The following OGFOD1 variants were observed in gnomAD, a reference collection of about 807,000 sequenced individuals.
OGFOD1 encodes the protein 2-oxoglutarate and iron dependent oxygenase domain containing 1.
Under a neutral mutation model 67.7 loss-of-function variants are expected in OGFOD1, and 54 were observed. The observed-to-expected ratio is 0.80, with a 90% CI of 0.64 to 1.00. OGFOD1 has a LOEUF of 1.00. OGFOD1 is among the 50% of genes least tolerant of loss of function. The pLI is 0.00. For synonymous variants in OGFOD1, 221 were observed against 227.0 expected (o/e 0.97, Z 0.24); for missense variants, 606 against 646.7 (o/e 0.94, Z 0.68).
At position 56,453,273 on chromosome 16, in the gene OGFOD1, C is replaced by T; in HGVS notation, c.165C>T (p.Val55=). Residue 55 remains valine, a synonymous_variant, in exon 2 of 13, where the codon GTC becomes GTT. Coordinates refer to ENST00000566157, the MANE Select transcript of OGFOD1 (RefSeq NM_018233.4). ...TTTTTCTTCCAACAGAAGTCATTGT[C>T]ATGGACATGGACCCTTTTCTTCACT... ...RRTPFSHEVI[V]MDMDPFLHCV... 6.2e-7 allele frequency: 1 copy of T among 1,607,634 alleles called. No homozygotes were observed. The highest frequency in any genetic ancestry group is 1.1e-5 in the South Asian group (1 of 89,398).
At chr16:56,462,507 C>G (rs369183850) in intron 3 of OGFOD1, 27 bp from the exon 4 acceptor site, 37 of 1,460,412 alleles carry the variant, frequency 2.5e-5, no homozygotes, top group Non-Finnish European at 3.6e-5. Flanking sequence ...TGTGGCATAA[C>G]AAGTTATCTT....
chr16:56,467,430 CTTTTT>C, intron 7 of OGFOD1, 137 bp downstream of exon 7: 3 of 754,762 alleles, frequency 4.0e-6, no homozygotes, highest in Non-Finnish European at 6.0e-6. Flanking sequence ...TTTTTTCTTC[CTTTTT>C]TTTTTTTTTG....
chr16:56,465,148 C>T (rs1399573795), intron 4 of OGFOD1, among the ~76,000 whole-genome samples: 2 of 151,854 alleles, frequency 1.3e-5, no homozygotes, highest in African/African-American at 4.8e-5. Context: ...TACAGGCGTG[C>T]ACCACCATGC....
intron 2 of OGFOD1, among the ~76,000 whole-genome samples, chr16:56,456,172 C>T (rs1392057487): frequency 6.6e-6 from 1 of 152,218 alleles, no homozygotes; most frequent in Non-Finnish European, 1.5e-5. Context: ...CTATATCACT[C>T]CTTCCTCCTG....
chr16:56,466,816 A>C, intron 5 of OGFOD1, 60 bp from the exon 6 acceptor site: 1 of 1,303,750 alleles, frequency 7.7e-7, no homozygotes, highest in Non-Finnish European at 1.1e-6. Flanking sequence ...GTCAAGAGTA[A>C]AATGAGGCAG....
chr16:56,476,705 C>T lies in OGFOD1; in HGVS notation c.*500C>T, dbSNP rs1963494666. On this transcript the variant is annotated 3_prime_UTR_variant, in exon 13 of 13. Coordinates refer to ENST00000566157, the MANE Select transcript of OGFOD1 (RefSeq NM_018233.4). ...CAGCCATACCTTTTGTCTCTATCAT[C>T]AACTTCACTACTCATATTTCTCATG... The T allele has an allele frequency of 6.5e-6, 1 of 152,934 alleles. No individual in the cohort carries two copies. Among genetic ancestry groups the T allele is most frequent in the African/African-American group, 2.4e-5 (1 of 41,452 alleles). 9.5% of individuals were successfully genotyped at this position (152,934 alleles called of 1,614,324 possible).
chr16:56,465,747 A>G (rs1962871836), intron 4 of OGFOD1: 1 of 165,728 alleles, frequency 6.0e-6, no homozygotes. Flanking sequence ...ATATAGTAGA[A>G]TAACTACAGC....
At chr16:56,461,246 A>G (rs1962701095) in intron 3 of OGFOD1, among the ~76,000 whole-genome samples, 1 of 152,164 alleles carries the variant, frequency 6.6e-6, no homozygotes. Flanking sequence ...GTTAATCACT[A>G]ATAGCCAATC....
intron 3 of OGFOD1, among the ~76,000 whole-genome samples, chr16:56,460,021 C>A (rs186837976): frequency 7.9e-4 from 120 of 152,128 alleles, no homozygotes; most frequent in Admixed American, 2.9e-3. Flanking sequence ...GCAGTACTTC[C>A]ATGTATTATA....
intron 7 of OGFOD1, among the ~76,000 whole-genome samples, 183 bp from the exon 8 acceptor site, chr16:56,467,722 C>T (rs904853757): frequency 1.6e-4 from 25 of 151,958 alleles, no homozygotes; most frequent in African/African-American, 5.1e-4. Flanking sequence ...CCACTGCACC[C>T]GGCCTACACT....
At position 56,470,696 on chromosome 16, in the gene OGFOD1, C is replaced by G. The variant is rs1051776543; in HGVS notation, c.1190C>G (p.Pro397Arg). The G allele has an allele frequency of 2.5e-6, 4 of 1,614,004 alleles. No homozygotes were observed. In the African/African-American group the frequency reaches 5.3e-5, roughly 22 times the overall value. ...ITEEGTSHSP[P>R]EPENNQMAIS... ...GAAGAAGGGACTAGCCATAGTCCTC[C>G]TGAGCCAGAGAATAATCAGATGGCC... The change falls in exon 10 of 13, where the codon CCT (proline) becomes CGT (arginine). Residue 397 changes from proline to arginine, a missense_variant. Transcript: ENST00000566157.
chr16:56,472,870 T>C (rs907732805), intron 10 of OGFOD1, among the ~76,000 whole-genome samples: 9 of 152,200 alleles, frequency 5.9e-5, no homozygotes, highest in African/African-American at 1.9e-4. Context: ...TAGAACAGGT[T>C]TGCACACCCT....
intron 2 of OGFOD1, chr16:56,458,038 A>T (rs140266856): frequency 6.3e-6 from 1 of 159,392 alleles, no homozygotes; most frequent in African/African-American, 2.4e-5. Context: ...TGCTCTTGCA[A>T]TAGCTGGAAT....
chr16:56,472,071 T>C (rs112617680), intron 10 of OGFOD1, among the ~76,000 whole-genome samples: 11,775 of 152,150 alleles, frequency 0.077, 679 homozygotes, highest in East Asian at 0.16. Context: ...GAGCGATCCT[T>C]CTGCCTCAGT....
rs55711786 is a variant in OGFOD1 at position 56,472,925 on chromosome 16, TTTTGG to T, written c.1286-1882_1286-1878del. 4.6e-5 allele frequency among the ~76,000 whole-genome samples: 7 copies of T among 151,570 alleles called. No individual in the cohort carries two copies. The South Asian group carries it at 1.0e-3, about 23-fold the overall frequency. On this transcript the variant is annotated intron_variant, in intron 10 of 12. Coordinates refer to ENST00000566157, the MANE Select transcript of OGFOD1 (RefSeq NM_018233.4). ...CACCAAAGCAGTTTTGCTTTTTTTG[TTTTGG>T]TTTGGTTTGGTTTGGTTTGGAGACA...
intron 2 of OGFOD1, among the ~76,000 whole-genome samples, chr16:56,453,854 A>G (rs1301182354): frequency 1.1e-4 from 17 of 152,190 alleles, no homozygotes. Flanking sequence ...AGTTTTCCCC[A>G]TCACAGTTAA....
At chr16:56,460,350 A>T (rs1962674112) in intron 3 of OGFOD1, among the ~76,000 whole-genome samples, 1 of 152,254 alleles carries the variant, frequency 6.6e-6, no homozygotes, top group Non-Finnish European at 1.5e-5. Flanking sequence ...ACAATGACAA[A>T]ATAAGCCTGT....
intron 2 of OGFOD1, chr16:56,454,859 T>C (rs2143967866): frequency 2.6e-6 from 1 of 390,262 alleles, no homozygotes; most frequent in Non-Finnish European, 5.0e-6. Context: ...TTAACCAGGA[T>C]AAATACATGA....
At position 56,476,098 on chromosome 16, in the gene OGFOD1, G is replaced by A; in HGVS notation, c.1522G>A (p.Glu508Lys). 6.2e-7 allele frequency: 1 copy of A among 1,613,854 alleles called. No individual in the cohort carries two copies. Among genetic ancestry groups the A allele is most frequent in the Non-Finnish European group, 8.5e-7 (1 of 1,179,768 alleles). ...NSLALVYRDRETLKFVKHINH... is the reference protein window; with the variant it reads ...NSLALVYRDRKTLKFVKHINH... ...TTTGGCATTGGTCTACAGAGACAGA[G>A]AGACTCTGAAATTTGTCAAGCATAT... The change falls in exon 13 of 13, where the codon GAG becomes AAG. Residue 508 changes from glutamate (E) to lysine (K), a missense_variant. Coordinates refer to ENST00000566157, the MANE Select transcript of OGFOD1 (RefSeq NM_018233.4).
Sources: allele counts gnomAD v4.1 joint callset (sites outside exome capture counted in the v4.1 genomes callset), GRCh38; gene constraint gnomAD v4.1.1; transcripts MANE v1.5; gene names NCBI Gene and HGNC (gene_info 2026-07-23, HGNC 2026-07-21).